Variants in FARP1 observed in about 807,000 individuals in gnomAD.
The protein encoded by FARP1 is FERM, ARHGEF and pleckstrin domain-containing protein 1.
Under a neutral mutation model 128.8 loss-of-function variants are expected in FARP1, and 52 were observed. The observed-to-expected ratio is 0.40, with a 90% CI of 0.32 to 0.51. FARP1 has a LOEUF of 0.51. Ranked by LOEUF, FARP1 falls within the 20% of genes least tolerant of loss-of-function variation. The probability of loss-of-function intolerance (pLI) is 0.45; values close to 1 mark genes in which losing one functional copy is unlikely to be tolerated. For missense variants in FARP1, 1,333 were observed against 1,367.9 expected, an observed-to-expected ratio of 0.97 and a Z score of 0.40; for synonymous variants, 580 against 551.8, an observed-to-expected ratio of 1.05 and a Z score of -0.72.
intron 2 of FARP1, among the ~76,000 whole-genome samples, chr13:98,293,100 G>A (rs1199249656): frequency 1.3e-5 from 2 of 152,172 alleles, no homozygotes; most frequent in Non-Finnish European, 2.9e-5. Context: ...TTGAATAAAA[G>A]AGAATCAGAT....
chr13:98,285,840 G>C (rs1272737641), intron 2 of FARP1, among the ~76,000 whole-genome samples: 1 of 152,136 alleles, frequency 6.6e-6, no homozygotes, highest in African/African-American at 2.4e-5. Flanking sequence ...AACTTGACAG[G>C]AGTCAGTATT....
rs572574833 is a variant in FARP1 at position 98,384,341 on chromosome 13, C to T, written c.497-389C>T. On this transcript the variant is annotated intron_variant, in intron 6 of 26. Coordinates refer to ENST00000319562, the MANE Select transcript of FARP1 (RefSeq NM_005766.4). Reference sequence around the variant, plus strand: ...CCAGGTCGCTGGGATTACAGGTGCCCGCCACCGTACCCAGCCAATTTTTGT... The same window carrying T: ...CCAGGTCGCTGGGATTACAGGTGCCTGCCACCGTACCCAGCCAATTTTTGT... 1.5e-4 allele frequency: 27 copies of T among 183,730 alleles called. No homozygotes were observed. In the East Asian group the frequency reaches 1.8e-3, roughly 12 times the overall value. The allele number at this position is 183,730 out of a possible 1,614,324, so 11.4% of individuals were successfully genotyped here.
chr13:98,438,954 C>T, intron 20 of FARP1, 82 bp downstream of exon 20: 1 of 1,501,090 alleles, frequency 6.7e-7, no homozygotes, highest in Non-Finnish European at 9.3e-7. Flanking sequence ...CTCGGCCACC[C>T]AAGTGAGGGA....
chr13:98,208,640 T>G (rs1294138982), intron 1 of FARP1: 2 of 152,964 alleles, frequency 1.3e-5, no homozygotes, highest in Non-Finnish European at 2.9e-5. Context: ...AAGGCTTTGA[T>G]GGACCGTAGG....
chr13:98,408,391 G>A (rs1219635275), intron 13 of FARP1, among the ~76,000 whole-genome samples: 3 of 147,418 alleles, frequency 2.0e-5, no homozygotes, highest in African/African-American at 7.5e-5. Context: ...GCAGTGGGGC[G>A]ATCTCAGTTC....
chr13:98,337,538 CGTGTGTGTGTGT>C (rs60625244), intron 2 of FARP1, among the ~76,000 whole-genome samples: 1,903 of 132,078 alleles, frequency 0.014, 37 homozygotes, highest in African/African-American at 0.043. Flanking sequence ...TCTGTGTAGC[CGTGTGTGTGTGT>C]GTGTGTGTGT....
chr13:98,177,096 G>A, intron 1 of FARP1: 1 of 1,600,006 alleles, frequency 6.2e-7, no homozygotes, highest in Non-Finnish European at 8.5e-7. Context: ...CCCCGCTGCT[G>A]CTGCTCTCTC....
In FARP1 at chr13:98,243,764, T is replaced by C. The variant is rs376366689; in HGVS notation, c.171+30351T>C. ...CTTTCAGGTAATTAATCACCCTTTT[T>C]TTCCAGCAGGGTTAAAGATTGTAGT... On this transcript the variant is annotated intron_variant, in intron 2 of 26. Coordinates refer to ENST00000319562, the MANE Select transcript of FARP1 (RefSeq NM_005766.4). Among the ~76,000 whole-genome samples, 12 of 152,208 alleles carry C rather than the reference T, an allele frequency of 7.9e-5. 2 individuals are homozygous for C. The highest frequency in any genetic ancestry group is 1.9e-4 in the East Asian group (1 of 5,184).
At chr13:98,158,648 A>G (rs1208187739) in intron 1 of FARP1, among the ~76,000 whole-genome samples, 3 of 152,180 alleles carry the variant, frequency 2.0e-5, no homozygotes, top group Admixed American at 6.5e-5. Flanking sequence ...AAAAAACCCT[A>G]AAGTGTGAGT....
At chr13:98,343,427 C>T (rs1392769722) in intron 2 of FARP1, among the ~76,000 whole-genome samples, 4 of 152,048 alleles carry the variant, frequency 2.6e-5, no homozygotes, top group Admixed American at 2.0e-4. Flanking sequence ...AATAACGGGA[C>T]ACTGTGTAGC....
At chr13:98,265,659 T>C (rs1229324308) in intron 2 of FARP1, among the ~76,000 whole-genome samples, 1 of 152,340 alleles carries the variant, frequency 6.6e-6, no homozygotes, top group South Asian at 2.1e-4. Flanking sequence ...CATATCCAGC[T>C]GTTTAGACAC....
intron 1 of FARP1, among the ~76,000 whole-genome samples, chr13:98,205,294 T>G (rs537414657): frequency 6.6e-6 from 1 of 152,286 alleles, no homozygotes; most frequent in Admixed American, 6.5e-5. Context: ...AATTATGCCT[T>G]AAGCTTTTTT....
At chr13:98,447,111 G>C (rs906514152) in intron 26 of FARP1, 5 of 344,790 alleles carry the variant, frequency 1.5e-5, no homozygotes, top group Non-Finnish European at 2.7e-5. Flanking sequence ...GCCCCAGTGA[G>C]ACTGCCTACA....
At chr13:98,218,016 A>G (rs780242174) in intron 2 of FARP1, among the ~76,000 whole-genome samples, 48 of 152,240 alleles carry the variant, frequency 3.2e-4, no homozygotes, top group Non-Finnish European at 2.8e-4. Context: ...CAGACCCTCA[A>G]CTTACCCATC....
intron 2 of FARP1, among the ~76,000 whole-genome samples, chr13:98,225,508 C>G (rs746617008): frequency 1.3e-5 from 2 of 152,204 alleles, no homozygotes; most frequent in Non-Finnish European, 2.9e-5. Flanking sequence ...CCTCATGAAA[C>G]CAAGAGTGTT....
At chr13:98,409,047 C>T (rs1444138820) in intron 13 of FARP1, among the ~76,000 whole-genome samples, 1 of 152,124 alleles carries the variant, frequency 6.6e-6, no homozygotes. Context: ...AGATGAAATT[C>T]CTATTTCGGG....
intron 2 of FARP1, among the ~76,000 whole-genome samples, chr13:98,308,027 CTCTCTCTTTTTTTTTTT>C: frequency 4.3e-5 from 1 of 23,416 alleles, no homozygotes. Context: ...CGCCCCCACT[CTCTCTCTTTTTTTTTTT>C]TTTTTTTTTT....
chr13:98,207,173 A>G (rs1256059440), intron 1 of FARP1, among the ~76,000 whole-genome samples: 1 of 152,210 alleles, frequency 6.6e-6, no homozygotes. Flanking sequence ...TTCCATGTAC[A>G]GCAACAGTCT....
At chr13:98,261,587 T>C (rs1057433105) in intron 2 of FARP1, among the ~76,000 whole-genome samples, 3 of 151,874 alleles carry the variant, frequency 2.0e-5, no homozygotes, top group Non-Finnish European at 4.4e-5. Flanking sequence ...GGATAAATTA[T>C]GTGTGGGAAG....
Sources: allele counts gnomAD v4.1 joint callset (sites outside exome capture counted in the v4.1 genomes callset), GRCh38; gene constraint gnomAD v4.1.1; transcripts MANE v1.5; gene names NCBI Gene and HGNC (gene_info 2026-07-23, HGNC 2026-07-21).